The following PRKN variants were observed in gnomAD, a reference collection of about 807,000 sequenced individuals.
PRKN encodes E3 ubiquitin-protein ligase parkin.
PRKN carries 56 observed loss-of-function variants against 59.5 expected under a neutral mutation model. That is an observed-to-expected ratio of 0.94 (90% confidence interval 0.76 to 1.18). The LOEUF (loss-of-function observed/expected upper bound fraction) is 1.18, where lower values mean the gene tolerates loss of function less well. PRKN is among the 50% of genes most tolerant of loss of function. The pLI is 0.00. For missense variants in PRKN, 657 were observed against 596.4 expected, an observed-to-expected ratio of 1.10 and a Z score of -1.06; for synonymous variants, 250 against 222.1, an observed-to-expected ratio of 1.13 and a Z score of -1.12.
At chr6:162,332,154 C>G in intron 2 of PRKN, among the ~76,000 whole-genome samples, 1 of 152,242 alleles carries the variant, frequency 6.6e-6, no homozygotes, top group South Asian at 2.1e-4. Context: ...CATTACAAAA[C>G]GAAGTCATTT....
chr6:162,249,847 A>AAAACG (rs147368092), intron 3 of PRKN, among the ~76,000 whole-genome samples: 3,495 of 152,202 alleles, frequency 0.023, 128 homozygotes, highest in African/African-American at 0.08. Context: ...AAAACAAAAC[A>AAAACG]AAACGAAACC....
intron 1 of PRKN, among the ~76,000 whole-genome samples, chr6:162,501,085 T>C: frequency 6.6e-6 from 1 of 152,100 alleles, no homozygotes; most frequent in East Asian, 1.9e-4. Flanking sequence ...AGACGATTGC[T>C]TGAATCCAGG....
intron 6 of PRKN, among the ~76,000 whole-genome samples, chr6:161,797,290 C>T (rs919858692): frequency 6.6e-6 from 1 of 152,124 alleles, no homozygotes; most frequent in Non-Finnish European, 1.5e-5. Context: ...CTCACTCGGT[C>T]ACCCAGGCTG....
chr6:162,612,778 C>T (rs993128481), intron 1 of PRKN, among the ~76,000 whole-genome samples: 1 of 152,052 alleles, frequency 6.6e-6, no homozygotes. Flanking sequence ...GGTGAAAAAT[C>T]GTGCTCCTGG....
intron 1 of PRKN, among the ~76,000 whole-genome samples, chr6:162,674,221 T>C (rs937149180): frequency 6.6e-6 from 1 of 152,212 alleles, no homozygotes; most frequent in Non-Finnish European, 1.5e-5. Flanking sequence ...ATTTTAAAAC[T>C]TGGTTGGATG....
At chr6:161,866,425 A>C (rs1160765790) in intron 6 of PRKN, among the ~76,000 whole-genome samples, 2 of 152,102 alleles carry the variant, frequency 1.3e-5, no homozygotes, top group African/African-American at 4.8e-5. Context: ...AATACAAAAA[A>C]TTAGCCGGGC....
At chr6:162,536,926 C>T (rs1778744360) in intron 1 of PRKN, among the ~76,000 whole-genome samples, 1 of 152,100 alleles carries the variant, frequency 6.6e-6, no homozygotes, top group Admixed American at 6.6e-5. Flanking sequence ...TATATGCATA[C>T]ATATATATGT....
Position 161,592,888 on chromosome 6 carries a change from C to A in PRKN, c.872-23472G>T, listed in dbSNP as rs1173722905. Among the ~76,000 whole-genome samples the A allele has an allele frequency of 6.6e-6, 1 of 152,168 alleles. No individual in the cohort carries two copies. Among genetic ancestry groups the A allele is most frequent in the Non-Finnish European group, 1.5e-5 (1 of 68,038 alleles). The stretch of plus-strand genomic sequence containing the variant: ...AATGACTCCTGGCCAGGGGCCAGAT[C>A]GTGATGGTCTCAAGGGTTGAAGTTT... On this transcript the variant is annotated intron_variant, in intron 7 of 11. Coordinates refer to ENST00000366898, the MANE Select transcript of PRKN (RefSeq NM_004562.3). The surrounding 1 kb of genome is among the most constrained non-coding windows in gnomAD (Gnocchi z 4.8).
chr6:161,538,971 C>T lies in PRKN; in HGVS notation c.1083+9883G>A, dbSNP rs952075318. Among the ~76,000 whole-genome samples the T allele has an allele frequency of 3.9e-5, 6 of 152,118 alleles. No individual in the cohort carries two copies. Among genetic ancestry groups the T allele is most frequent in the Non-Finnish European group, 8.8e-5 (6 of 68,030 alleles). ...AGCGCTGACCTTGGTGTTCCTGTTT[C>T]GTGTGAAGAGTGAGGGCGTGCTGCT... On this transcript the variant is annotated intron_variant, in intron 9 of 11. Coordinates refer to ENST00000366898, the MANE Select transcript of PRKN (RefSeq NM_004562.3). This position sits in a 1 kb window ranked among gnomAD's most constrained non-coding sequence, Gnocchi z 4.2.
intron 1 of PRKN, among the ~76,000 whole-genome samples, chr6:162,458,178 C>T (rs2128173190): frequency 7.2e-6 from 1 of 138,552 alleles, no homozygotes; most frequent in African/African-American, 2.5e-5. Context: ...ATTGCTTGAA[C>T]CTGGGAGGTA....
chr6:161,992,345 A>AAG (rs1554258322), intron 5 of PRKN, among the ~76,000 whole-genome samples: 3 of 151,964 alleles, frequency 2.0e-5, no homozygotes, highest in Non-Finnish European at 2.9e-5. Context: ...GTCTTTAAAA[A>AAG]AGAGAGAGAG....
intron 1 of PRKN, among the ~76,000 whole-genome samples, chr6:162,473,716 AG>A (rs1242508742): frequency 1.3e-5 from 2 of 152,176 alleles, no homozygotes; most frequent in African/African-American, 4.8e-5. Context: ...AGCACAACTC[AG>A]TTGGGACTGT....
intron 7 of PRKN, among the ~76,000 whole-genome samples, chr6:161,774,771 A>C (rs1789852019): frequency 6.6e-6 from 1 of 152,194 alleles, no homozygotes; most frequent in Non-Finnish European, 1.5e-5. Context: ...TTGGTTAGAG[A>C]AGTTAGACTA....
In PRKN at chr6:161,428,315, G is replaced by A. The variant is rs896837425; in HGVS notation, c.1084-41438C>T. On this transcript the variant is annotated intron_variant, in intron 9 of 11. Coordinates refer to ENST00000366898, the MANE Select transcript of PRKN (RefSeq NM_004562.3). This position sits in a 1 kb window ranked among gnomAD's most constrained non-coding sequence, Gnocchi z 4.0. ...CTACCTGATATTGAGGAAGGTATAA[G>A]GTGTCAGATTCCTGCTGGGACTGGC... is the stretch of plus-strand genomic sequence containing the variant. Among the ~76,000 whole-genome samples, 8 of 152,196 alleles carry A rather than the reference G, an allele frequency of 5.3e-5. No homozygotes were observed. Among genetic ancestry groups the A allele is most frequent in the African/African-American group, 1.9e-4 (8 of 41,438 alleles).
intron 1 of PRKN, among the ~76,000 whole-genome samples, chr6:162,590,377 G>A (rs1017819785): frequency 6.6e-6 from 1 of 152,068 alleles, no homozygotes; most frequent in African/African-American, 2.4e-5. Flanking sequence ...CATACTAAAC[G>A]AAAAGCAAAA....
intron 7 of PRKN, among the ~76,000 whole-genome samples, chr6:161,747,916 C>CT (rs1370713392): frequency 1.3e-5 from 2 of 152,188 alleles, no homozygotes; most frequent in Non-Finnish European, 2.9e-5. Flanking sequence ...ACATCGCCAT[C>CT]TTTAACTACT....
chr6:161,962,660 C>T (rs573155965), intron 6 of PRKN, among the ~76,000 whole-genome samples: 238 of 151,972 alleles, frequency 1.6e-3, no homozygotes, highest in African/African-American at 5.5e-3. Context: ...ACTCAGCCTC[C>T]TGAGTAGCTG....
rs1345912939 is a variant in PRKN, at chr6:161,544,310, A to G, written c.1083+4544T>C. On this transcript the variant is annotated intron_variant, in intron 9 of 11. Coordinates refer to ENST00000366898, the MANE Select transcript of PRKN (RefSeq NM_004562.3). This position sits in a 1 kb window ranked among gnomAD's most constrained non-coding sequence, Gnocchi z 5.5. ...GTGTTATTTTGGTTTTCTGAATTAT[A>G]TACTATGTGTGCTATTAAAACACTG... Among the ~76,000 whole-genome samples the G allele has an allele frequency of 6.6e-6, 1 of 152,180 alleles. No homozygotes were observed. Among genetic ancestry groups the G allele is most frequent in the Admixed American group, 6.5e-5 (1 of 15,276 alleles).
intron 7 of PRKN, among the ~76,000 whole-genome samples, chr6:161,755,940 C>T (rs998793044): frequency 6.6e-6 from 1 of 152,000 alleles, no homozygotes; most frequent in African/African-American, 2.4e-5. Flanking sequence ...TTGGAAAAAA[C>T]GCCAAGGATA....
Sources: gnomAD v4.1 joint callset for allele counts (sites outside exome capture counted in the v4.1 genomes callset) on GRCh38, gnomAD v4.1.1 for gene constraint, Gnocchi (gnomAD v3.1) non-coding constraint, MANE v1.5 for transcripts, NCBI Gene and HGNC (gene_info 2026-07-23, HGNC 2026-07-21) for gene names.